The following ACER1 variants were observed in gnomAD, a reference collection of about 807,000 sequenced individuals.
ACER1 encodes CTB-180A7.3.
In ACER1, 28 loss-of-function variants were observed where a neutral mutation model predicts 24.9. The ratio of observed to expected loss-of-function variants is 1.13; its 90% CI spans 0.83 to 1.54. The LOEUF (loss-of-function observed/expected upper bound fraction) is 1.54, where lower values mean the gene tolerates loss of function less well. ACER1 is among the 40% of genes most tolerant of loss of function. The pLI, the probability that ACER1 is intolerant of heterozygous loss-of-function variation, is 0.00. For synonymous variants in ACER1, 132 were observed against 131.4 expected (o/e 1.00, Z -0.03); for missense variants, 352 against 349.3 (o/e 1.01, Z -0.06).
chr19:6,342,021 A>T, the ACER1 span, among the ~76,000 whole-genome samples: 2 of 145,142 alleles, frequency 1.4e-5, no homozygotes, highest in Admixed American at 1.3e-4. Flanking sequence ...GATATGCATT[A>T]ATATTTGGAA....
intron 1 of ACER1, among the ~76,000 whole-genome samples, chr19:6,320,682 T>C (rs77250342): frequency 0.11 from 16,969 of 152,022 alleles, 1,378 homozygotes; most frequent in African/African-American, 0.22. Context: ...AAGGGAGAGA[T>C]TCTAGGACCA....
At position 6,324,847 on chromosome 19, in the gene ACER1, A is replaced by G. The variant is rs868154221; in HGVS notation, c.93+8612T>C. ...AGGAAAGGAAGGAAGGAAGGAAGGA[A>G]AGAGAGAGAGAGAAAGGAAGGAAGG... On this transcript the variant is annotated intron_variant, in intron 1 of 5. Coordinates refer to ENST00000301452, the MANE Select transcript of ACER1 (RefSeq NM_133492.3). Among the ~76,000 whole-genome samples, 30 of 124,000 alleles carry G rather than the reference A, an allele frequency of 2.4e-4. 1 individual carries two copies. The highest frequency in any genetic ancestry group is 6.3e-4 in the African/African-American group (20 of 31,970). 81.3% of individuals were successfully genotyped at this position (124,000 alleles called of 152,430 possible).
chr19:6,344,558 C>A, the ACER1 span, among the ~76,000 whole-genome samples: 1 of 151,882 alleles, frequency 6.6e-6, no homozygotes, highest in Non-Finnish European at 1.5e-5. Context: ...CCATACCTGG[C>A]TAATTTATTG....
chr19:6,341,602 G>C, the ACER1 span, among the ~76,000 whole-genome samples: 3 of 148,722 alleles, frequency 2.0e-5, no homozygotes, highest in African/African-American at 7.5e-5. Context: ...GCTTTTTTTT[G>C]TTTTCTTTTG....
rs565564865 is a variant in ACER1 at position 6,308,532 on chromosome 19, C to A, written c.488+1165G>T. Among the ~76,000 whole-genome samples the A allele has an allele frequency of 3.7e-4, 56 of 152,180 alleles. 2 individuals carry two copies. In the Middle Eastern group the frequency reaches 0.021, roughly 56 times the overall value. On this transcript the variant is annotated intron_variant, in intron 4 of 5. Coordinates refer to ENST00000301452, the MANE Select transcript of ACER1 (RefSeq NM_133492.3). ...AGGGATTGCACTATGCCCCACCCCA[C>A]CCCATGGTTACACAGCTGGTAAGTG... is the stretch of plus-strand genomic sequence containing the variant.
At chr19:6,331,383 T>C in intron 1 of ACER1, among the ~76,000 whole-genome samples, 1 of 144,828 alleles carries the variant, frequency 6.9e-6, no homozygotes. Flanking sequence ...CCTCTTGACC[T>C]CATGATCCAC....
At chr19:6,319,255 G>A (rs1406858832) in intron 1 of ACER1, among the ~76,000 whole-genome samples, 1 of 152,088 alleles carries the variant, frequency 6.6e-6, no homozygotes, top group Non-Finnish European at 1.5e-5. Context: ...CTGACTAATG[G>A]GGGACCCCGA....
At chr19:6,351,088 C>T in the ACER1 span, among the ~76,000 whole-genome samples, 4 of 152,188 alleles carry the variant, frequency 2.6e-5, no homozygotes, top group Non-Finnish European at 5.9e-5. Flanking sequence ...AGTTATAGGC[C>T]GGGTGTGGTG....
the ACER1 span, among the ~76,000 whole-genome samples, chr19:6,359,839 T>C: frequency 5.3e-5 from 8 of 152,094 alleles, no homozygotes; most frequent in Admixed American, 5.2e-4. Flanking sequence ...TTATCCCCAC[T>C]CTGCAGATGC....
At chr19:6,333,888 T>G (rs2091702216), upstream of ACER1, among the ~76,000 whole-genome samples, 1 of 151,966 alleles carries the variant, frequency 6.6e-6, no homozygotes, top group Non-Finnish European at 1.5e-5. Context: ...ATGTATGTAT[T>G]TATTTATTAG....
At position 6,333,472 on chromosome 19, in the gene ACER1, T is replaced by G; in HGVS notation, c.80A>C (p.Glu27Ala). 3.1e-6 allele frequency: 5 copies of G among 1,591,044 alleles called. No individual in the cohort carries two copies. The highest frequency in any genetic ancestry group is 3.4e-6 in the Non-Finnish European group (4 of 1,167,986). The change falls in exon 1 of 6, where the codon GAG (glutamate) becomes GCG (alanine). Residue 27 changes from glutamate (E) to alanine (A), a missense_variant. Glu to Ala is a moderately radical substitution (Grantham distance 107). Coordinates refer to ENST00000301452, the MANE Select transcript of ACER1 (RefSeq NM_133492.3). ...SNFQYSELVA[E>A]FYNTFSNIPF... Reference sequence around the variant, plus strand: ...CCACGCACTCACCGTGTTGTAGAACTCGGCCACCAGCTCCGAGTACTGGAA... The same window carrying G: ...CCACGCACTCACCGTGTTGTAGAACGCGGCCACCAGCTCCGAGTACTGGAA...
chr19:6,319,260 C>T (rs2091618684), intron 1 of ACER1, among the ~76,000 whole-genome samples: 1 of 152,068 alleles, frequency 6.6e-6, no homozygotes, highest in Non-Finnish European at 1.5e-5. Flanking sequence ...TAATGGGGGA[C>T]CCCGACTAAT....
chr19:6,332,496 C>A (rs2091692820), intron 1 of ACER1, among the ~76,000 whole-genome samples: 1 of 151,964 alleles, frequency 6.6e-6, no homozygotes, highest in African/African-American at 2.4e-5. Flanking sequence ...TGGTCTGGAA[C>A]TCCTGGGCTC....
chr19:6,347,109 A>AAAAAAAAAAT, the ACER1 span, among the ~76,000 whole-genome samples: 52 of 113,778 alleles, frequency 4.6e-4, 2 homozygotes, highest in African/African-American at 2.4e-3. Flanking sequence ...AAAAAAAAAA[A>AAAAAAAAAAT]ATATATATAT....
chr19:6,341,528 AAAAAAAAAAG>A, the ACER1 span, among the ~76,000 whole-genome samples: 41 of 151,208 alleles, frequency 2.7e-4, no homozygotes, highest in African/African-American at 7.2e-4. Flanking sequence ...TGTCTCAAAA[AAAAAAAAAAG>A]AAAAAAAAAG....
chr19:6,355,368 A>G, the ACER1 span, among the ~76,000 whole-genome samples: 8 of 113,364 alleles, frequency 7.1e-5, no homozygotes, highest in African/African-American at 2.9e-4. Flanking sequence ...CACCCCATCT[A>G]GGAAGTGAGG....
At chr19:6,351,610 G>A in the ACER1 span, among the ~76,000 whole-genome samples, 1 of 151,652 alleles carries the variant, frequency 6.6e-6, no homozygotes, top group African/African-American at 2.4e-5. Context: ...GTATGCACAT[G>A]TGGTCCCAGC....
At chr19:6,337,160 G>A (rs56030852), upstream of ACER1, among the ~76,000 whole-genome samples, 38,096 of 149,978 alleles carry the variant, frequency 0.25, 6,732 homozygotes, top group African/African-American at 0.49. Context: ...TGGGCGACAG[G>A]GTGAGACTCC....
chr19:6,335,042 G>T (rs1432866710), upstream of ACER1, among the ~76,000 whole-genome samples: 1 of 144,302 alleles, frequency 6.9e-6, no homozygotes, highest in Admixed American at 7.0e-5. Flanking sequence ...TTATATAATA[G>T]CAATATTATA....
Sources: gnomAD v4.1 joint callset for allele counts (sites outside exome capture counted in the v4.1 genomes callset) on GRCh38, gnomAD v4.1.1 for gene constraint, MANE v1.5 for transcripts, NCBI Gene and HGNC (gene_info 2026-07-23, HGNC 2026-07-21) for gene names.